Variants in NEK11 observed in about 807,000 individuals in gnomAD.
NEK11 encodes the protein NIMA related kinase 11, also known as serine/threonine-protein kinase Nek11.
In NEK11, 72 loss-of-function variants were observed where a neutral mutation model predicts 80.7. The ratio of observed to expected loss-of-function variants is 0.89; its 90% CI spans 0.74 to 1.08. NEK11 has a LOEUF of 1.08. NEK11 is among the 50% of genes least tolerant of loss of function. NEK11 has a pLI of 0.00. For missense variants in NEK11, 764 were observed against 763.6 expected, an observed-to-expected ratio of 1.00 and a Z score of -0.01; for synonymous variants, 251 against 260.7, an observed-to-expected ratio of 0.96 and a Z score of 0.36.
chr3:131,204,679 T>A lies in NEK11; in HGVS notation c.1400-23849T>A, dbSNP rs188652157. On this transcript the variant is annotated intron_variant, in intron 14 of 17. Transcript: ENST00000383366. ...AAAAATGGTTTGAGGTTTTTTTTTTTAAATAAATAGTACTACAATGCAAAT... is the reference window on the plus strand; with the variant it reads ...AAAAATGGTTTGAGGTTTTTTTTTTAAAATAAATAGTACTACAATGCAAAT... Among the ~76,000 whole-genome samples, 876 of 152,108 alleles carry A rather than the reference T, an allele frequency of 5.8e-3. 3 individuals carry two copies. The highest frequency in any genetic ancestry group is 0.016 in the African/African-American group (656 of 41,484).
chr3:131,338,539 A>G (rs947130292), intron 17 of NEK11, among the ~76,000 whole-genome samples: 2 of 152,176 alleles, frequency 1.3e-5, no homozygotes, highest in Non-Finnish European at 2.9e-5. Context: ...AAAAACCTAC[A>G]TATGAATACA....
chr3:131,046,774 C>T (rs919060240), intron 3 of NEK11, among the ~76,000 whole-genome samples: 4 of 152,090 alleles, frequency 2.6e-5, no homozygotes, highest in Admixed American at 6.6e-5. Flanking sequence ...TGTGCCTAGG[C>T]GATGATCTTT....
At chr3:131,278,145 G>C (rs1410794001) in intron 17 of NEK11, among the ~76,000 whole-genome samples, 1 of 152,182 alleles carries the variant, frequency 6.6e-6, no homozygotes, top group Admixed American at 6.5e-5. Context: ...CCATGAAGTT[G>C]TTTAATATAA....
rs548026452 is a variant in NEK11, at chr3:131,181,602, A to C, written c.1399+10715A>C. On this transcript the variant is annotated intron_variant, in intron 14 of 17. Transcript: ENST00000383366. ...TCTACTAAAAATACAAAAAATTAGCAGGGTGTGGTGGCGGGCGCCTGTAGT... is the reference window on the plus strand; with the variant it reads ...TCTACTAAAAATACAAAAAATTAGCCGGGTGTGGTGGCGGGCGCCTGTAGT... 2.1e-3 allele frequency among the ~76,000 whole-genome samples: 317 copies of C among 151,978 alleles called. 1 individual carries two copies. Among genetic ancestry groups the C allele is most frequent in the African/African-American group, 5.5e-3 (227 of 41,472 alleles).
intron 4 of NEK11, 196 bp from the exon 5 acceptor site, chr3:131,109,607 A>G: frequency 1.9e-6 from 1 of 528,328 alleles, no homozygotes; most frequent in Non-Finnish European, 3.3e-6. Context: ...TTTATAGGTT[A>G]ATGTTGAGGC....
chr3:131,178,445 A>G (rs937807858), intron 14 of NEK11, among the ~76,000 whole-genome samples: 2 of 152,194 alleles, frequency 1.3e-5, no homozygotes, highest in Non-Finnish European at 2.9e-5. Flanking sequence ...TTTCTTTTTT[A>G]TATCATTCTA....
At chr3:131,306,065 A>G (rs913925394) in intron 17 of NEK11, among the ~76,000 whole-genome samples, 1 of 152,014 alleles carries the variant, frequency 6.6e-6, no homozygotes, top group East Asian at 1.9e-4. Flanking sequence ...TTCTTATGAA[A>G]TGTGGTTCTT....
rs140452731 is a variant in NEK11, at chr3:131,160,314, A to G, written c.963-2094A>G. Among the ~76,000 whole-genome samples, 7 of 152,340 alleles carry G rather than the reference A, an allele frequency of 4.6e-5. No individual in the cohort carries two copies. In the East Asian group the frequency reaches 1.3e-3, roughly 29 times the overall value. ...AAAAGAAATTCCAACCAAGAATTTC[A>G]TATCTTGCCAAAATAAGCTTCATAA... On this transcript the variant is annotated intron_variant, in intron 10 of 17. Coordinates refer to ENST00000383366, the MANE Select transcript of NEK11 (RefSeq NM_024800.5).
At chr3:131,281,825 A>G (rs935172616) in intron 17 of NEK11, among the ~76,000 whole-genome samples, 2 of 151,868 alleles carry the variant, frequency 1.3e-5, no homozygotes, top group Non-Finnish European at 1.5e-5. Flanking sequence ...TTGTATATCT[A>G]CTTTTGTCTT....
Position 131,219,240 on chromosome 3 carries a change from GC to G in NEK11, c.1400-9287del, listed in dbSNP as rs548832263. On this transcript the variant is annotated intron_variant, in intron 14 of 17. Transcript: ENST00000383366. ...AAAAAAGGATGAGTTCACATCCTTT[GC>G]AGGGACATGGATGAAGCTAGAAACC... 1.8e-3 allele frequency among the ~76,000 whole-genome samples: 274 copies of G among 152,318 alleles called. 1 individual carries two copies. Among genetic ancestry groups the G allele is most frequent in the African/African-American group, 6.3e-3 (262 of 41,570 alleles).
chr3:131,087,715 C>A (rs187535284), intron 4 of NEK11, among the ~76,000 whole-genome samples: 1 of 152,244 alleles, frequency 6.6e-6, no homozygotes, highest in African/African-American at 2.4e-5. Flanking sequence ...ATCTCTAGTG[C>A]GTGTCAATAG....
At chr3:131,050,242 A>G (rs979542001) in intron 3 of NEK11, among the ~76,000 whole-genome samples, 1 of 152,214 alleles carries the variant, frequency 6.6e-6, no homozygotes, top group Non-Finnish European at 1.5e-5. Context: ...CCACTTATGA[A>G]TATCCAACAG....
At chr3:131,059,287 C>T (rs899065298) in intron 3 of NEK11, among the ~76,000 whole-genome samples, 1 of 152,074 alleles carries the variant, frequency 6.6e-6, no homozygotes, top group Non-Finnish European at 1.5e-5. Context: ...TGCCCAAACC[C>T]ATCAAATTGT....
chr3:131,075,498 A>C (rs1171255229), intron 3 of NEK11, among the ~76,000 whole-genome samples: 1 of 152,118 alleles, frequency 6.6e-6, no homozygotes, highest in Non-Finnish European at 1.5e-5. Flanking sequence ...TTTTAAATAA[A>C]TATTACTCTC....
At chr3:131,287,371 T>C (rs1561382086) in intron 17 of NEK11, among the ~76,000 whole-genome samples, 1 of 152,126 alleles carries the variant, frequency 6.6e-6, no homozygotes. Context: ...CCTCCTGGGT[T>C]CAAGCAATCC....
At chr3:131,075,265 A>T (rs1256865964) in intron 3 of NEK11, among the ~76,000 whole-genome samples, 1 of 152,194 alleles carries the variant, frequency 6.6e-6, no homozygotes, top group African/African-American at 2.4e-5. Context: ...GCATATGGGG[A>T]TAACCCATAA....
chr3:131,285,278 A>C (rs2108874665), intron 17 of NEK11, among the ~76,000 whole-genome samples: 1 of 151,898 alleles, frequency 6.6e-6, no homozygotes, highest in Non-Finnish European at 1.5e-5. Flanking sequence ...AAGGAAGGAA[A>C]CAGGAGTGGG....
intron 14 of NEK11, among the ~76,000 whole-genome samples, chr3:131,181,845 T>A (rs2093375756): frequency 6.6e-6 from 1 of 151,536 alleles, no homozygotes; most frequent in Non-Finnish European, 1.5e-5. Flanking sequence ...CTAATACAGC[T>A]ATATTGGATT....
In NEK11 at chr3:131,054,180, A is replaced by G. The variant is rs186390070; in HGVS notation, c.170+24302A>G. On this transcript the variant is annotated intron_variant, in intron 3 of 17. Coordinates refer to ENST00000383366, the MANE Select transcript of NEK11 (RefSeq NM_024800.5). ...AGCCTGGGCAACATGGCAAAACCCC[A>G]TCTCTACAAAATATACAAAAATTAG... Among the ~76,000 whole-genome samples, 321 of 152,318 alleles carry G rather than the reference A, an allele frequency of 2.1e-3. 4 individuals are homozygous for G. Among genetic ancestry groups the G allele is most frequent in the African/African-American group, 7.2e-3 (300 of 41,582 alleles).
Sources: gnomAD v4.1 joint callset for allele counts (sites outside exome capture counted in the v4.1 genomes callset) on GRCh38, gnomAD v4.1.1 for gene constraint, MANE v1.5 for transcripts, NCBI Gene and HGNC (gene_info 2026-07-23, HGNC 2026-07-21) for gene names.